NEDD4L: variants seen among roughly 807,000 people sequenced by gnomAD.
NEDD4L encodes E3 ubiquitin-protein ligase NEDD4-like.
NEDD4L carries 54 observed loss-of-function variants against 148.9 expected under a neutral mutation model. The ratio of observed to expected loss-of-function variants is 0.36; its 90% confidence interval spans 0.29 to 0.45. NEDD4L has a LOEUF of 0.45. Ranked by LOEUF, NEDD4L falls within the 20% of genes least tolerant of loss-of-function variation. The pLI, the probability that NEDD4L is intolerant of heterozygous loss-of-function variation, is 1.00. For synonymous variants in NEDD4L, 433 were observed against 440.7 expected (o/e 0.98, Z 0.22); for missense variants, 856 against 1,233.8 (o/e 0.69, Z 4.59).
intron 16 of NEDD4L, among the ~76,000 whole-genome samples, chr18:58,345,926 TTTTG>T (rs2042994502): frequency 7.3e-6 from 1 of 137,678 alleles, no homozygotes; most frequent in Admixed American, 7.4e-5. Flanking sequence ...GTTTTTTGTT[TTTTG>T]TTTTTTTTAG....
intron 1 of NEDD4L, among the ~76,000 whole-genome samples, chr18:58,070,557 A>G (rs2082814215): frequency 6.6e-6 from 1 of 152,156 alleles, no homozygotes; most frequent in African/African-American, 2.4e-5. Flanking sequence ...ATTCCTGGGA[A>G]TCTAGAAGGC....
intron 5 of NEDD4L, among the ~76,000 whole-genome samples, chr18:58,312,190 C>T (rs955723168): frequency 6.6e-6 from 1 of 152,168 alleles, no homozygotes; most frequent in Non-Finnish European, 1.5e-5. Context: ...TTTGATGGCT[C>T]ATTAGAAGGG....
chr18:58,070,849 A>G (rs1599057718), intron 1 of NEDD4L, among the ~76,000 whole-genome samples: 2 of 152,174 alleles, frequency 1.3e-5, no homozygotes, highest in African/African-American at 4.8e-5. Context: ...ACAAAAAACA[A>G]AACAAACAGA....
At chr18:58,272,000 T>C (rs2051107655) in intron 5 of NEDD4L, among the ~76,000 whole-genome samples, 1 of 152,224 alleles carries the variant, frequency 6.6e-6, no homozygotes, top group Non-Finnish European at 1.5e-5. Flanking sequence ...AGGACTGCAG[T>C]GTTATGGATT....
intron 2 of NEDD4L, among the ~76,000 whole-genome samples, chr18:58,200,401 G>T (rs1368653594): frequency 6.6e-6 from 1 of 151,394 alleles, no homozygotes. Flanking sequence ...CCATTTTTTT[G>T]CTGGGTGACA....
chr18:58,263,650 ACTT>A (rs1443050668), intron 5 of NEDD4L, among the ~76,000 whole-genome samples: 1 of 131,494 alleles, frequency 7.6e-6, no homozygotes, highest in African/African-American at 2.8e-5. Context: ...AATAAATCCT[ACTT>A]CTTAGGCTTT....
chr18:58,164,716 G>A (rs529611301), intron 1 of NEDD4L, among the ~76,000 whole-genome samples: 2 of 152,308 alleles, frequency 1.3e-5, no homozygotes, highest in Admixed American at 6.5e-5. Flanking sequence ...TGATCCGCCT[G>A]CCTCGGCCTC....
intron 16 of NEDD4L, among the ~76,000 whole-genome samples, chr18:58,349,177 G>C (rs775919357): frequency 6.6e-6 from 1 of 152,096 alleles, no homozygotes; most frequent in African/African-American, 2.4e-5. Flanking sequence ...TTTCGAAACC[G>C]TTGTCCCCAC....
intron 1 of NEDD4L, among the ~76,000 whole-genome samples, chr18:58,111,388 C>A (rs1325064329): frequency 1.4e-5 from 2 of 145,370 alleles, no homozygotes; most frequent in Non-Finnish European, 3.0e-5. Context: ...TTTTTATTAC[C>A]CATAAAAGGA....
chr18:58,275,849 C>G (rs533041391), intron 5 of NEDD4L, among the ~76,000 whole-genome samples: 1 of 152,242 alleles, frequency 6.6e-6, no homozygotes, highest in South Asian at 2.1e-4. Context: ...ATGAGAATCC[C>G]CTATGGGCAT....
chr18:58,311,682 C>G (rs1381751067), intron 5 of NEDD4L, among the ~76,000 whole-genome samples: 2 of 152,120 alleles, frequency 1.3e-5, no homozygotes, highest in Non-Finnish European at 2.9e-5. Context: ...CAGTTCTACC[C>G]TAAAGATAAG....
intron 6 of NEDD4L, among the ~76,000 whole-genome samples, chr18:58,319,934 A>C: frequency 6.6e-6 from 1 of 152,190 alleles, no homozygotes. Flanking sequence ...ACAGCCCTGT[A>C]AGTTATGGTT....
intron 1 of NEDD4L, among the ~76,000 whole-genome samples, chr18:58,116,562 C>T (rs563398181): frequency 2.0e-5 from 3 of 152,322 alleles, no homozygotes; most frequent in African/African-American, 7.2e-5. Flanking sequence ...CTGCCCTATA[C>T]AATAGTAGCA....
Position 58,345,834 on chromosome 18 carries a change from C to T in NEDD4L, c.1575+2731C>T, listed in dbSNP as rs193176196. 4.4e-4 allele frequency among the ~76,000 whole-genome samples: 67 copies of T among 152,026 alleles called. No homozygotes were observed. In the East Asian group the frequency reaches 0.013, roughly 29 times the overall value. ...TCAGCTCAGTGCAACCTCTGTCTCC[C>T]GGGTTCATGCGATTCTCTTGCCTCA... On this transcript the variant is annotated intron_variant, in intron 16 of 30. Transcript: ENST00000400345.
chr18:58,328,249 G>T (rs1443344421), intron 9 of NEDD4L, among the ~76,000 whole-genome samples: 1 of 152,194 alleles, frequency 6.6e-6, no homozygotes, highest in African/African-American at 2.4e-5. Context: ...ACAGGCATGA[G>T]CCACCATGCC....
chr18:58,362,370 A>G (rs747498583), intron 19 of NEDD4L, among the ~76,000 whole-genome samples: 1 of 152,262 alleles, frequency 6.6e-6, no homozygotes. Flanking sequence ...GTTGCTGGGA[A>G]TCACAGACTT....
intron 5 of NEDD4L, among the ~76,000 whole-genome samples, chr18:58,287,664 A>G (rs1183187719): frequency 2.6e-5 from 4 of 152,196 alleles, no homozygotes; most frequent in Non-Finnish European, 5.9e-5. Context: ...AGGTCTTATC[A>G]CGCATATTTC....
chr18:58,297,650 A>G (rs1377130019), intron 5 of NEDD4L, among the ~76,000 whole-genome samples: 2 of 152,082 alleles, frequency 1.3e-5, no homozygotes, highest in African/African-American at 4.8e-5. Flanking sequence ...GAACTTGTCA[A>G]TGTTGCCTTA....
chr18:58,271,542 T>TA (rs2051043685), intron 5 of NEDD4L, among the ~76,000 whole-genome samples: 1 of 152,224 alleles, frequency 6.6e-6, no homozygotes, highest in African/African-American at 2.4e-5. Context: ...ATTTAAAAGT[T>TA]ACCCTTTTAG....
Sources: gnomAD v4.1 joint callset for allele counts (sites outside exome capture counted in the v4.1 genomes callset) on GRCh38, gnomAD v4.1.1 for gene constraint, MANE v1.5 for transcripts, NCBI Gene and HGNC (gene_info 2026-07-23, HGNC 2026-07-21) for gene names.